PDZD2: variants seen among roughly 807,000 people sequenced by gnomAD.
PDZD2 encodes the protein PDZ domain-containing protein 2.
Under a neutral mutation model 220.7 loss-of-function variants are expected in PDZD2, and 90 were observed. The observed-to-expected ratio is 0.41, with a 90% CI of 0.34 to 0.49. The LOEUF is 0.49. PDZD2 is among the 20% of genes least tolerant of loss of function. PDZD2 has a pLI of 0.28. For synonymous variants in PDZD2, 1,375 were observed against 1,450.5 expected (o/e 0.95, Z 1.18); for missense variants, 3,174 against 3,608.5 (o/e 0.88, Z 3.08).
At chr5:31,989,136 C>T (rs894011418) in intron 3 of PDZD2, among the ~76,000 whole-genome samples, 7 of 152,154 alleles carry the variant, frequency 4.6e-5, no homozygotes, top group East Asian at 1.9e-4. Flanking sequence ...CAGGCTTTAA[C>T]GTGCCCATCA....
chr5:32,052,746 C>A lies in PDZD2; in HGVS notation c.1785+16C>A, dbSNP rs376617528. ...AAAAGGCAAGGTGAGCTCTTTTCTG[C>A]AGACTGTTCTGCCTTCTGGGTGAAT... On this transcript the variant is annotated intron_variant, in intron 9 of 24. Coordinates refer to ENST00000438447, the MANE Select transcript of PDZD2 (RefSeq NM_178140.4). 1 of 1,611,486 alleles carries A rather than the reference C, an allele frequency of 6.2e-7. No homozygotes were observed.
chr5:31,987,248 C>G (rs1750791958), intron 3 of PDZD2, among the ~76,000 whole-genome samples: 1 of 152,174 alleles, frequency 6.6e-6, no homozygotes, highest in Non-Finnish European at 1.5e-5. Context: ...GCCAAGCAGA[C>G]AAGTTTATTC....
intron 17 of PDZD2, 136 bp downstream of exon 17, chr5:32,072,453 G>T: frequency 1.4e-6 from 1 of 708,774 alleles, no homozygotes. Flanking sequence ...AGACCAGGCC[G>T]GGCGCGGTGG....
chr5:31,908,622 A>G, intron 2 of PDZD2: 1 of 1,037,200 alleles, frequency 9.6e-7, no homozygotes, highest in South Asian at 1.3e-5. Flanking sequence ...CCTACAAGAA[A>G]TACATCAAAG....
At position 32,073,870 on chromosome 5, in the gene PDZD2, G is replaced by A. The variant is rs779355582; in HGVS notation, c.2764G>A (p.Val922Met). ...TGGAAAACCCAGAGCCAACAGCCTCGTGACTCTTGGGAGCCATCGGGCTTC... is the reference window on the plus strand; with the variant it reads ...TGGAAAACCCAGAGCCAACAGCCTCATGACTCTTGGGAGCCATCGGGCTTC... ...EPGKPRANSLVTLGSHRASGL... is the reference protein window; with the variant it reads ...EPGKPRANSLMTLGSHRASGL... The change falls in exon 18 of 25, where the codon GTG (valine) becomes ATG (methionine). Residue 922 changes from valine (V) to methionine (M), a missense_variant. By Grantham distance (21) the Val-to-Met change is conservative. Transcript: ENST00000438447. 22 of 1,613,596 alleles carry A rather than the reference G, an allele frequency of 1.4e-5. No homozygotes were observed. The highest frequency in any genetic ancestry group is 2.2e-5 in the East Asian group (1 of 44,890).
intron 2 of PDZD2, among the ~76,000 whole-genome samples, chr5:31,938,030 A>G (rs1452711734): frequency 6.6e-6 from 1 of 152,184 alleles, no homozygotes; most frequent in African/African-American, 2.4e-5. Flanking sequence ...CACAAAGCCT[A>G]TCCGATCTTT....
At chr5:31,885,743 G>C (rs1232524569) in intron 2 of PDZD2, among the ~76,000 whole-genome samples, 1 of 152,088 alleles carries the variant, frequency 6.6e-6, no homozygotes, top group Non-Finnish European at 1.5e-5. Context: ...GTCAAGTGAT[G>C]ATTTTTTTTC....
chr5:31,935,848 G>T (rs1393771602), intron 2 of PDZD2, among the ~76,000 whole-genome samples: 2 of 152,188 alleles, frequency 1.3e-5, no homozygotes, highest in Non-Finnish European at 2.9e-5. Flanking sequence ...AGCAGCTGTG[G>T]TCCGTGGCCA....
chr5:31,702,859 A>G (rs1301550282), intron 1 of PDZD2, among the ~76,000 whole-genome samples: 1 of 152,260 alleles, frequency 6.6e-6, no homozygotes, highest in African/African-American at 2.4e-5. Flanking sequence ...TGTTTTTAAT[A>G]GAATTGCAAG....
At chr5:32,015,308 G>A (rs1362417931) in intron 6 of PDZD2, among the ~76,000 whole-genome samples, 2 of 151,884 alleles carry the variant, frequency 1.3e-5, no homozygotes, top group Non-Finnish European at 2.9e-5. Context: ...GTGCAGTGGT[G>A]TGATCATAGC....
intron 6 of PDZD2, among the ~76,000 whole-genome samples, chr5:32,027,283 C>A (rs186515094): frequency 6.6e-6 from 1 of 152,306 alleles, no homozygotes; most frequent in East Asian, 1.9e-4. Context: ...AAACCCACTG[C>A]AAGAGGGTCA....
At chr5:31,915,833 G>T (rs927445867) in intron 2 of PDZD2, among the ~76,000 whole-genome samples, 1 of 152,112 alleles carries the variant, frequency 6.6e-6, no homozygotes, top group African/African-American at 2.4e-5. Context: ...CTGTCCATGG[G>T]GAAAAACTTC....
At chr5:31,659,672 T>C (rs1462617663) in intron 1 of PDZD2, among the ~76,000 whole-genome samples, 10 of 152,346 alleles carry the variant, frequency 6.6e-5, no homozygotes, top group Admixed American at 2.0e-4. Context: ...CTAAGACTTA[T>C]TCTCATTTCT....
At chr5:31,968,655 C>T (rs1581179633) in intron 2 of PDZD2, among the ~76,000 whole-genome samples, 1 of 145,658 alleles carries the variant, frequency 6.9e-6, no homozygotes. Context: ...AATTCTGTCT[C>T]AAAAAACAAA....
intron 1 of PDZD2, among the ~76,000 whole-genome samples, chr5:31,648,627 C>T (rs189866317): frequency 1.9e-3 from 286 of 152,272 alleles, no homozygotes; most frequent in African/African-American, 6.6e-3. Context: ...CCCTTGACCC[C>T]AGTCCTTTTC....
At chr5:32,100,967 A>G in intron 23 of PDZD2, 138 bp from the exon 24 acceptor site, 1 of 1,602,838 alleles carries the variant, frequency 6.2e-7, no homozygotes, top group Non-Finnish European at 8.5e-7. Flanking sequence ...GTTATAAGTA[A>G]GTAAGTGCCC....
At chr5:31,989,246 C>CA (rs1329791576) in intron 3 of PDZD2, among the ~76,000 whole-genome samples, 1 of 152,090 alleles carries the variant, frequency 6.6e-6, no homozygotes, top group African/African-American at 2.4e-5. Context: ...TCTGCACGGA[C>CA]AGCCATTGTT....
intron 7 of PDZD2, among the ~76,000 whole-genome samples, chr5:32,047,202 T>A (rs1197675560): frequency 2.0e-5 from 3 of 152,072 alleles, no homozygotes; most frequent in Non-Finnish European, 4.4e-5. Flanking sequence ...AATCTTGATC[T>A]CGTTAGTCAT....
chr5:32,003,136 A>C (rs1305073107), intron 5 of PDZD2, among the ~76,000 whole-genome samples: 4 of 13,528 alleles, frequency 3.0e-4, no homozygotes, highest in African/African-American at 3.5e-4. Context: ...CACACACACC[A>C]CACACACACC....
Sources: allele counts gnomAD v4.1 joint callset (sites outside exome capture counted in the v4.1 genomes callset), GRCh38; gene constraint gnomAD v4.1.1; transcripts MANE v1.5; gene names NCBI Gene and HGNC (gene_info 2026-07-23, HGNC 2026-07-21).